QTMAN: variants seen among roughly 807,000 people sequenced by gnomAD.
QTMAN encodes the protein queuosine-tRNA mannosyltransferase, also known as tRNA-queuosine alpha-mannosyltransferase.
the QTMAN span, among the ~76,000 whole-genome samples, chr2:143,973,504 A>T: frequency 6.6e-6 from 1 of 152,124 alleles, no homozygotes; most frequent in African/African-American, 2.4e-5. Context: ...GAAAAATGAG[A>T]AATTGGCCGG....
the QTMAN span, among the ~76,000 whole-genome samples, chr2:143,973,396 G>A: frequency 6.6e-6 from 1 of 152,094 alleles, no homozygotes; most frequent in Non-Finnish European, 1.5e-5. Flanking sequence ...GTCTAAATTA[G>A]TAAATTACAT....
chr2:144,173,285 G>A, the QTMAN span, among the ~76,000 whole-genome samples: 2 of 152,048 alleles, frequency 1.3e-5, no homozygotes, highest in Non-Finnish European at 2.9e-5. Context: ...CTTTGAGTGT[G>A]GACAAGAATA....
the QTMAN span, among the ~76,000 whole-genome samples, chr2:144,229,050 T>C: frequency 2.6e-5 from 4 of 152,202 alleles, no homozygotes; most frequent in South Asian, 8.3e-4. Context: ...GGTTCTGTTT[T>C]AGAAAACTTT....
the QTMAN span, chr2:143,944,659 TGGTCTC>T: frequency 6.6e-6 from 1 of 152,226 alleles, no homozygotes; most frequent in Non-Finnish European, 1.5e-5. Flanking sequence ...TTAGCCAGGA[TGGTCTC>T]GATCTCCTGA....
At chr2:144,262,569 C>CAA in the QTMAN span, among the ~76,000 whole-genome samples, 356 of 49,516 alleles carry the variant, frequency 7.2e-3, 5 homozygotes, top group Non-Finnish European at 8.1e-3. Context: ...GATGCTGTCT[C>CAA]AAAAAAAAAA....
At chr2:144,015,659 G>C in the QTMAN span, among the ~76,000 whole-genome samples, 1 of 152,190 alleles carries the variant, frequency 6.6e-6, no homozygotes, top group African/African-American at 2.4e-5. Context: ...TTCAATGGAA[G>C]TAATCACAAA....
the QTMAN span, among the ~76,000 whole-genome samples, chr2:144,040,547 C>G: frequency 8.6e-5 from 13 of 152,038 alleles, no homozygotes; most frequent in Non-Finnish European, 1.5e-4. Context: ...GAGCTATATA[C>G]GTCGCTAAGA....
chr2:144,177,089 G>GC, the QTMAN span: 3 of 546,120 alleles, frequency 5.5e-6, no homozygotes, highest in South Asian at 4.8e-5. Flanking sequence ...CAGCACCAAA[G>GC]GGGAAATCCA....
chr2:144,134,130 A>C, the QTMAN span, among the ~76,000 whole-genome samples: 1 of 152,124 alleles, frequency 6.6e-6, no homozygotes. Context: ...ATCAATCCAC[A>C]AATTCTCGAA....
the QTMAN span, among the ~76,000 whole-genome samples, chr2:144,288,271 TCCCC>T: frequency 6.6e-5 from 10 of 152,110 alleles, no homozygotes; most frequent in African/African-American, 2.2e-4. Context: ...TTATCTGTTA[TCCCC>T]CCTTCTTTGA....
chr2:144,295,468 T>C, the QTMAN span: 1 of 152,158 alleles, frequency 6.6e-6, no homozygotes, highest in Non-Finnish European at 1.5e-5. Flanking sequence ...GAATCCAGCA[T>C]TTTCATAAAT....
chr2:144,106,978 A>C, the QTMAN span, among the ~76,000 whole-genome samples: 2 of 152,242 alleles, frequency 1.3e-5, no homozygotes, highest in Admixed American at 1.3e-4. Context: ...TACTACATGG[A>C]AACTGAACAA....
At chr2:144,149,870 A>G in the QTMAN span, among the ~76,000 whole-genome samples, 1 of 152,080 alleles carries the variant, frequency 6.6e-6, no homozygotes, top group African/African-American at 2.4e-5. Flanking sequence ...CTTAATATGT[A>G]AAAAGAAAAG....
At chr2:144,189,486 G>C in the QTMAN span, among the ~76,000 whole-genome samples, 4 of 152,166 alleles carry the variant, frequency 2.6e-5, no homozygotes, top group African/African-American at 7.2e-5. Context: ...AAAGAACACT[G>C]ATTAATAATT....
chr2:144,279,541 T>C, the QTMAN span, among the ~76,000 whole-genome samples: 1 of 152,172 alleles, frequency 6.6e-6, no homozygotes, highest in Non-Finnish European at 1.5e-5. Flanking sequence ...CTGGAGAGCT[T>C]GTTAAAACAT....
chr2:144,309,228 T>C, the QTMAN span, among the ~76,000 whole-genome samples: 1 of 152,226 alleles, frequency 6.6e-6, no homozygotes, highest in Non-Finnish European at 1.5e-5. Context: ...AAGTTAAGCA[T>C]AAACTTACCA....
chr2:144,300,753 G>A, the QTMAN span, among the ~76,000 whole-genome samples: 1 of 151,526 alleles, frequency 6.6e-6, no homozygotes, highest in African/African-American at 2.4e-5. Context: ...ACTAAGGGAA[G>A]CTGGGATAGG....
chr2:144,227,031 T>C, the QTMAN span, among the ~76,000 whole-genome samples: 6 of 152,132 alleles, frequency 3.9e-5, no homozygotes, highest in South Asian at 2.1e-4. Context: ...TGCTTGTGTA[T>C]TAAAAAGTAT....
the QTMAN span, among the ~76,000 whole-genome samples, chr2:144,094,783 C>T: frequency 1.3e-5 from 2 of 152,090 alleles, no homozygotes. Context: ...AAGTATATAT[C>T]GAAACAAATG....
Sources: allele counts gnomAD v4.1 joint callset (sites outside exome capture counted in the v4.1 genomes callset), GRCh38; gene constraint gnomAD v4.1.1; transcripts MANE v1.5; gene names NCBI Gene and HGNC (gene_info 2026-07-23, HGNC 2026-07-21).